Variants in PARD3B observed in about 807,000 individuals in gnomAD.
PARD3B encodes par-3 family cell polarity regulator beta, also known as partitioning defective 3 homolog B.
In PARD3B, 103 loss-of-function variants were observed where a neutral mutation model predicts 130.2. The ratio of observed to expected loss-of-function variants is 0.79; its 90% CI spans 0.67 to 0.93. The LOEUF is 0.93. Ranked by LOEUF, PARD3B falls within the 40% of genes least tolerant of loss-of-function variation. The probability of loss-of-function intolerance (pLI) is 0.00; values close to 1 mark genes in which losing one functional copy is unlikely to be tolerated. For missense variants in PARD3B, 1,609 were observed against 1,499.2 expected, an observed-to-expected ratio of 1.07 and a Z score of -1.21; for synonymous variants, 583 against 553.2, an observed-to-expected ratio of 1.05 and a Z score of -0.76.
chr2:205,021,617 T>C lies in PARD3B; in HGVS notation c.395-25964T>C, dbSNP rs867741593. ...TCTTCTCTCTCTCTCTCTCTCTCTCTCTCCCTCTCTCTTTCTCTCTCTCTC... is the reference window on the plus strand; with the variant it reads ...TCTTCTCTCTCTCTCTCTCTCTCTCCCTCCCTCTCTCTTTCTCTCTCTCTC... On this transcript the variant is annotated intron_variant, in intron 3 of 22. Transcript: ENST00000406610. The surrounding 1 kb of genome is among the most constrained non-coding windows in gnomAD (Gnocchi z 4.5). Among the ~76,000 whole-genome samples, 6 of 138,688 alleles carry C rather than the reference T, an allele frequency of 4.3e-5. No homozygotes were observed. Among genetic ancestry groups the C allele is most frequent in the Admixed American group, 7.7e-5 (1 of 13,002 alleles). The allele number at this position is 138,688 out of a possible 152,430, so 91.0% of individuals were successfully genotyped here. A position where few individuals can be genotyped will look rare whatever the true frequency, so the allele number is the denominator to read the frequency against.
intron 3 of PARD3B, among the ~76,000 whole-genome samples, chr2:204,972,533 T>G (rs2125180509): frequency 6.6e-6 from 1 of 152,278 alleles, no homozygotes; most frequent in South Asian, 2.1e-4. Flanking sequence ...TTGTGTGCTA[T>G]ATCTGATGGC....
At chr2:204,790,127 C>T (rs2042150675) in intron 2 of PARD3B, among the ~76,000 whole-genome samples, 1 of 152,170 alleles carries the variant, frequency 6.6e-6, no homozygotes, top group Non-Finnish European at 1.5e-5. Flanking sequence ...GCCTTGGCCT[C>T]CCAGAGTGCT....
rs1257243785 is a variant in PARD3B, at chr2:205,615,775, G to A, written c.3580G>A (p.Asp1194Asn). The A allele has an allele frequency of 1.2e-6, 2 of 1,613,824 alleles. No homozygotes were observed. The highest frequency in any genetic ancestry group is 1.7e-6 in the Non-Finnish European group (2 of 1,179,950). Residue 1194 changes from aspartate to asparagine, a missense_variant, in exon 23 of 23, where the codon GAT (aspartate) becomes AAT (asparagine). By Grantham distance (23) the Asp-to-Asn change is conservative. Transcript: ENST00000406610. ...SPDQYPYRTQ[D>N]SRQKNPMTAA... Reference sequence around the variant, plus strand: ...AGACCAGTACCCTTACCGAACCCAGGATTCCCGGCAGAAGAACCCCATGAC... The same window carrying A: ...AGACCAGTACCCTTACCGAACCCAGAATTCCCGGCAGAAGAACCCCATGAC...
chr2:205,222,930 A>G lies in PARD3B; in HGVS notation c.2141-22848A>G, dbSNP rs142055747. 9.9e-5 allele frequency among the ~76,000 whole-genome samples: 15 copies of G among 152,276 alleles called. No homozygotes were observed. In the East Asian group the frequency reaches 2.9e-3, roughly 29 times the overall value. ...AACTGTAACTGTTTATTTTGTAAAG[A>G]TGAGTAAAATGCTATCTTTGCCTTC... On this transcript the variant is annotated intron_variant, in intron 15 of 22. Coordinates refer to ENST00000406610, the MANE Select transcript of PARD3B (RefSeq NM_001302769.2).
chr2:204,798,542 C>T (rs577885086), intron 2 of PARD3B, among the ~76,000 whole-genome samples: 6 of 152,254 alleles, frequency 3.9e-5, no homozygotes, highest in South Asian at 4.1e-4. Flanking sequence ...AGGCCACCTA[C>T]GGAGGCACCA....
chr2:205,471,725 C>T lies in PARD3B; in HGVS notation c.3045-28171C>T, dbSNP rs1306185653. On this transcript the variant is annotated intron_variant, in intron 20 of 22. Transcript: ENST00000406610. ...AGATACTCACTAGAAAATACCTTGG[C>T]CATTAATTGGTCAGAACTGTAACTT... Among the ~76,000 whole-genome samples the T allele has an allele frequency of 2.6e-5, 4 of 152,172 alleles. No homozygotes were observed. The South Asian group carries it at 8.3e-4, about 32-fold the overall frequency.
chr2:205,333,877 G>A lies in PARD3B; in HGVS notation c.2630+32176G>A, dbSNP rs185693852. On this transcript the variant is annotated intron_variant, in intron 18 of 22. Transcript: ENST00000406610. ...TCAGGAGTTCATCAAAGGTATATTT[G>A]TTACTGAAATTTTACCCCTTTTCTG... Among the ~76,000 whole-genome samples, 152 of 151,684 alleles carry A rather than the reference G, an allele frequency of 1.0e-3. 1 individual carries two copies. The highest frequency in any genetic ancestry group is 2.0e-3 in the Non-Finnish European group (133 of 67,912).
intron 16 of PARD3B, among the ~76,000 whole-genome samples, chr2:205,257,057 C>A (rs2040118493): frequency 6.6e-6 from 1 of 151,934 alleles, no homozygotes; most frequent in South Asian, 2.1e-4. Flanking sequence ...ACAAAAAGTC[C>A]TTTTTTAGAG....
intron 2 of PARD3B, among the ~76,000 whole-genome samples, chr2:204,901,436 C>T (rs1338323364): frequency 6.6e-6 from 1 of 151,950 alleles, no homozygotes; most frequent in African/African-American, 2.4e-5. Context: ...CCCAAGGGCT[C>T]TTCAGTCAGC....
chr2:205,601,883 A>G (rs1439325685), intron 22 of PARD3B, among the ~76,000 whole-genome samples: 1 of 152,068 alleles, frequency 6.6e-6, no homozygotes, highest in Admixed American at 6.5e-5. Flanking sequence ...CTCTTGCCTC[A>G]TTGCCCTGGC....
intron 18 of PARD3B, among the ~76,000 whole-genome samples, chr2:205,399,719 T>A (rs1043303748): frequency 3.3e-5 from 5 of 152,284 alleles, no homozygotes; most frequent in African/African-American, 9.6e-5. Context: ...ACATATATGG[T>A]ATTTTTGTAA....
rs760879849 is a variant in PARD3B, at chr2:205,539,293, AGAT to A, written c.3181-14026_3181-14024del. Among the ~76,000 whole-genome samples, 15 of 152,358 alleles carry A rather than the reference AGAT, an allele frequency of 9.8e-5. 1 individual carries two copies. The highest frequency in any genetic ancestry group is 2.1e-4 in the Non-Finnish European group (14 of 68,030). Reference sequence around the variant, plus strand: ...TCAGGGTAGTGTTGCAGATTGAGTCAGATGATGTCTGAGAACATGCTTTGATCA... The same window carrying A: ...TCAGGGTAGTGTTGCAGATTGAGTCAGATGTCTGAGAACATGCTTTGATCA... On this transcript the variant is annotated intron_variant, in intron 21 of 22. Transcript: ENST00000406610.
chr2:205,450,676 A>G (rs1275895667), intron 20 of PARD3B, among the ~76,000 whole-genome samples: 1 of 151,668 alleles, frequency 6.6e-6, no homozygotes, highest in Non-Finnish European at 1.5e-5. Context: ...GGGTTTCATT[A>G]TGTTGGCCAG....
intron 2 of PARD3B, among the ~76,000 whole-genome samples, chr2:204,758,852 C>T (rs1047556126): frequency 1.3e-5 from 2 of 152,146 alleles, no homozygotes; most frequent in African/African-American, 4.8e-5. Flanking sequence ...CATATTTCTC[C>T]CCTTAGAACC....
chr2:205,620,008 T>A lies in PARD3B; in HGVS notation c.*4195T>A, dbSNP rs764736521. 1 of 152,222 alleles carries A rather than the reference T, an allele frequency of 6.6e-6. No homozygotes were observed. Among genetic ancestry groups the A allele is most frequent in the Non-Finnish European group, 1.5e-5 (1 of 68,038 alleles). The allele number at this position is 152,222 out of a possible 1,614,324, so 9.4% of individuals were successfully genotyped here. On this transcript the variant is annotated 3_prime_UTR_variant, in exon 23 of 23. Coordinates refer to ENST00000406610, the MANE Select transcript of PARD3B (RefSeq NM_001302769.2). ...TCTGAAGATAAATTATGTGAAATCA[T>A]ATTTTGGCATATGGGGGTGGAGGAT...
chr2:204,752,630 A>G (rs958789477), intron 2 of PARD3B, among the ~76,000 whole-genome samples: 1 of 152,202 alleles, frequency 6.6e-6, no homozygotes, highest in Non-Finnish European at 1.5e-5. Flanking sequence ...TCTAGGAACA[A>G]CTACTACTTT....
At chr2:204,840,106 A>G (rs565210797) in intron 2 of PARD3B, among the ~76,000 whole-genome samples, 1 of 152,198 alleles carries the variant, frequency 6.6e-6, no homozygotes. Context: ...ATACAATTTA[A>G]TATTATTAAG....
Position 205,421,590 on chromosome 2 carries a change from T to C in PARD3B, c.2742-18780T>C, listed in dbSNP as rs2046974872. On this transcript the variant is annotated intron_variant, in intron 19 of 22. Transcript: ENST00000406610. This position sits in a 1 kb window ranked among gnomAD's most constrained non-coding sequence, Gnocchi z 5.1. ...TGAATGAAAATAGTGCATACCTAAA[T>C]ACTTCTCTTTAGGTCTCATCATCAG... is the stretch of plus-strand genomic sequence containing the variant. Among the ~76,000 whole-genome samples, 1 of 152,198 alleles carries C rather than the reference T, an allele frequency of 6.6e-6. No individual in the cohort carries two copies. Among genetic ancestry groups the C allele is most frequent in the Admixed American group, 6.5e-5 (1 of 15,268 alleles).
intron 1 of PARD3B, among the ~76,000 whole-genome samples, chr2:204,590,445 G>C (rs2033027532): frequency 2.0e-5 from 3 of 152,148 alleles, no homozygotes; most frequent in African/African-American, 7.2e-5. Context: ...AAATGGACCT[G>C]TCTTTATGCA....
Sources: allele counts gnomAD v4.1 joint callset (sites outside exome capture counted in the v4.1 genomes callset), GRCh38; gene constraint gnomAD v4.1.1; non-coding constraint Gnocchi (gnomAD v3.1); transcripts MANE v1.5; gene names NCBI Gene and HGNC (gene_info 2026-07-23, HGNC 2026-07-21).